Variants in CSMD1 observed in about 807,000 individuals in gnomAD.
CSMD1 encodes the protein CUB and sushi domain-containing protein 1.
CSMD1 carries 213 observed loss-of-function variants against 417.5 expected under a neutral mutation model. That is an observed-to-expected ratio of 0.51 (90% CI 0.46 to 0.57). The LOEUF (loss-of-function observed/expected upper bound fraction) is 0.57. Ranked by LOEUF, CSMD1 falls within the 20% of genes least tolerant of loss-of-function variation. CSMD1 has a pLI of 0.00. For synonymous variants in CSMD1, 2,862 were observed against 1,736.8 expected, an observed-to-expected ratio of 1.65 and a Z score of -16.11; for missense variants, 6,923 against 4,529.7, an observed-to-expected ratio of 1.53 and a Z score of -15.17.
intron 36 of CSMD1, among the ~76,000 whole-genome samples, chr8:3,185,907 A>T (rs1821724996): frequency 6.6e-6 from 1 of 152,188 alleles, no homozygotes; most frequent in African/African-American, 2.4e-5. Context: ...AGAGAAACAG[A>T]CACAGACTGC....
rs535432649 is a variant in CSMD1, at chr8:4,733,191, T to C, written c.86-95633A>G. On this transcript the variant is annotated intron_variant, in intron 1 of 69. Transcript: ENST00000635120. The stretch of plus-strand genomic sequence containing the variant: ...CCAAGTACTGAAAAAAGCGAAACCA[T>C]GTTGAACATTACATTCCAAAACAGA... 1.2e-3 allele frequency among the ~76,000 whole-genome samples: 179 copies of C among 152,326 alleles called. 2 individuals are homozygous for C. The highest frequency in any genetic ancestry group is 4.1e-3 in the African/African-American group (172 of 41,580).
At chr8:3,207,341 T>G (rs1199915307) in intron 30 of CSMD1, among the ~76,000 whole-genome samples, 1 of 150,314 alleles carries the variant, frequency 6.7e-6, no homozygotes, top group African/African-American at 2.4e-5. Context: ...CTTTAATAGA[T>G]ATGATGTTGG....
At chr8:4,892,996 T>A (rs1804225708) in intron 1 of CSMD1, among the ~76,000 whole-genome samples, 1 of 152,272 alleles carries the variant, frequency 6.6e-6, no homozygotes, top group Admixed American at 6.5e-5. Flanking sequence ...TTGCACGGTG[T>A]GATACTGCAT....
chr8:3,461,360 G>A (rs1213454389), intron 12 of CSMD1, among the ~76,000 whole-genome samples: 1 of 152,210 alleles, frequency 6.6e-6, no homozygotes. Flanking sequence ...TGCTGGGAAG[G>A]ATGTGCTGCT....
intron 42 of CSMD1, among the ~76,000 whole-genome samples, chr8:3,111,728 G>A (rs1167395287): frequency 1.3e-5 from 2 of 151,970 alleles, no homozygotes; most frequent in Non-Finnish European, 2.9e-5. Context: ...AGTACTTGGG[G>A]GGTTGAGGCA....
intron 8 of CSMD1, among the ~76,000 whole-genome samples, chr8:3,612,503 T>G (rs767410749): frequency 6.6e-6 from 1 of 152,156 alleles, no homozygotes; most frequent in African/African-American, 2.4e-5. Context: ...CTAAAATATG[T>G]GTTATTTTCA....
chr8:3,659,595 G>T lies in CSMD1; in HGVS notation c.1010-42798C>A, dbSNP rs1486870346. Among the ~76,000 whole-genome samples the T allele has an allele frequency of 2.6e-5, 4 of 152,062 alleles. No homozygotes were observed. The South Asian group carries it at 6.2e-4, about 24-fold the overall frequency. ...AGCAAAAATGATTCAACTGTGAATT[G>T]GTCCCTTTGGGATTTCCCACTAGAG... On this transcript the variant is annotated intron_variant, in intron 7 of 69. Coordinates refer to ENST00000635120, the MANE Select transcript of CSMD1 (RefSeq NM_033225.6).
rs573447552 is a variant in CSMD1 at position 4,858,264 on chromosome 8, T to G, written c.85+136068A>C. On this transcript the variant is annotated intron_variant, in intron 1 of 69. Coordinates refer to ENST00000635120, the MANE Select transcript of CSMD1 (RefSeq NM_033225.6). ...AAATTAGGTATTGATGGGACGTATT[T>G]CAAAATAATAAAAGCTATCTATGAC... Among the ~76,000 whole-genome samples, 7 of 151,330 alleles carry G rather than the reference T, an allele frequency of 4.6e-5. No homozygotes were observed. In the South Asian group the frequency reaches 1.5e-3, roughly 32 times the overall value.
chr8:3,062,557 T>TA (rs71199533), intron 49 of CSMD1, among the ~76,000 whole-genome samples: 48,754 of 139,994 alleles, frequency 0.35, 8,185 homozygotes, highest in Middle Eastern at 0.4. Context: ...CAAAACACAT[T>TA]AAAAAAAAAA....
chr8:3,704,900 G>A (rs980449825), intron 7 of CSMD1: 1 of 152,248 alleles, frequency 6.6e-6, no homozygotes, highest in Non-Finnish European at 1.5e-5. Context: ...ACAGGACTTT[G>A]GGTGGATCTG....
intron 12 of CSMD1, among the ~76,000 whole-genome samples, chr8:3,458,487 C>T (rs1816295716): frequency 6.6e-6 from 1 of 152,080 alleles, no homozygotes; most frequent in Admixed American, 6.5e-5. Context: ...CTCTCCAACC[C>T]TGTCAACAAA....
At chr8:4,782,032 A>G (rs1413309259) in intron 1 of CSMD1, among the ~76,000 whole-genome samples, 4 of 152,188 alleles carry the variant, frequency 2.6e-5, no homozygotes, top group African/African-American at 9.7e-5. Context: ...TCTCAGTCCA[A>G]AATTATAGCC....
intron 26 of CSMD1, among the ~76,000 whole-genome samples, chr8:3,256,063 C>T (rs1325069887): frequency 6.6e-6 from 1 of 152,126 alleles, no homozygotes; most frequent in African/African-American, 2.4e-5. Flanking sequence ...TGAGGTGGCT[C>T]ACACCTGTAA....
intron 1 of CSMD1, among the ~76,000 whole-genome samples, chr8:4,967,901 G>C (rs1809985033): frequency 6.6e-6 from 1 of 152,144 alleles, no homozygotes; most frequent in Admixed American, 6.6e-5. Flanking sequence ...ACCGTGTGTG[G>C]AAGCAGAACA....
intron 2 of CSMD1, among the ~76,000 whole-genome samples, chr8:4,579,730 A>G (rs1585279632): frequency 6.6e-6 from 1 of 152,002 alleles, no homozygotes. Flanking sequence ...TTACATGGTG[A>G]ATTTCCATGT....
chr8:3,485,846 T>G (rs974242227), intron 11 of CSMD1, among the ~76,000 whole-genome samples: 24 of 149,708 alleles, frequency 1.6e-4, no homozygotes, highest in Non-Finnish European at 2.4e-4. Context: ...ACAGGAAATC[T>G]GAATAAGATC....
chr8:4,641,910 T>C (rs1381835890), intron 1 of CSMD1, among the ~76,000 whole-genome samples: 1 of 152,236 alleles, frequency 6.6e-6, no homozygotes, highest in East Asian at 1.9e-4. Flanking sequence ...CATAGTCTTA[T>C]TACCAAAGAT....
chr8:4,169,190 T>A (rs568619686), intron 3 of CSMD1, among the ~76,000 whole-genome samples: 1 of 152,138 alleles, frequency 6.6e-6, no homozygotes, highest in African/African-American at 2.4e-5. Context: ...AATGTTAACA[T>A]AGTGTACGTC....
At chr8:3,184,643 T>A (rs772956239) in intron 36 of CSMD1, among the ~76,000 whole-genome samples, 3 of 152,256 alleles carry the variant, frequency 2.0e-5, no homozygotes, top group Admixed American at 2.0e-4. Context: ...TACATGGGCA[T>A]ACGACGTGTC....
Sources: gnomAD v4.1 joint callset for allele counts (sites outside exome capture counted in the v4.1 genomes callset) on GRCh38, gnomAD v4.1.1 for gene constraint, MANE v1.5 for transcripts, NCBI Gene and HGNC (gene_info 2026-07-23, HGNC 2026-07-21) for gene names.